Variants in C3orf70 observed in about 807,000 individuals in gnomAD.
The protein encoded by C3orf70 is chromosome 3 open reading frame 70.
C3orf70 carries 15 observed loss-of-function variants against 20.7 expected under a neutral mutation model. That is an observed-to-expected ratio of 0.72 (90% CI 0.48 to 1.11). C3orf70 has a LOEUF of 1.11. C3orf70 is among the 50% of genes most tolerant of loss of function. The pLI is 0.00. For synonymous variants in C3orf70, 161 were observed against 125.7 expected (o/e 1.28, Z -1.88); for missense variants, 332 against 317.6 (o/e 1.05, Z -0.34).
At chr3:185,146,390 C>T (rs573330404) in intron 1 of C3orf70, among the ~76,000 whole-genome samples, 1 of 143,362 alleles carries the variant, frequency 7.0e-6, no homozygotes, top group African/African-American at 2.6e-5. Flanking sequence ...CGAGTTCAAG[C>T]GATTCTCCTG....
rs374779504 is a variant in C3orf70 at position 185,097,611 on chromosome 3, A to G, written c.197-14048T>C. Among the ~76,000 whole-genome samples, 12 of 152,356 alleles carry G rather than the reference A, an allele frequency of 7.9e-5. No homozygotes were observed. The East Asian group carries it at 1.9e-3, about 24-fold the overall frequency. Reference sequence around the variant, plus strand: ...ACTTTAGCAGCTAGGTGACAGTAACATTCAGTAGCCTTATGAATGAGAGCA... The same window carrying G: ...ACTTTAGCAGCTAGGTGACAGTAACGTTCAGTAGCCTTATGAATGAGAGCA... On this transcript the variant is annotated intron_variant, in intron 1 of 1. Transcript: ENST00000335012.
rs1715217877 is a variant in C3orf70, at chr3:185,077,395, G to C, written c.*5612C>G. 1.3e-5 allele frequency among the ~76,000 whole-genome samples: 2 copies of C among 152,162 alleles called. No individual in the cohort carries two copies. The highest frequency in any genetic ancestry group is 4.8e-5 in the African/African-American group (2 of 41,426). ...CTGGGTAAAGATGTGGACTTCTTGAGCTCTTTTCCTGATCTGTGAAATGGG... is the reference window on the plus strand; with the variant it reads ...CTGGGTAAAGATGTGGACTTCTTGACCTCTTTTCCTGATCTGTGAAATGGG... On this transcript the variant is annotated 3_prime_UTR_variant, in exon 2 of 2. Coordinates refer to ENST00000335012, the MANE Select transcript of C3orf70 (RefSeq NM_001025266.3).
rs1183580586 is a variant in C3orf70, at chr3:185,152,984, G to A, written c.-161C>T. 2 of 476,298 alleles carry A rather than the reference G, an allele frequency of 4.2e-6. No homozygotes were observed. The highest frequency in any genetic ancestry group is 4.4e-5 in the East Asian group (1 of 22,564). 29.5% of individuals were successfully genotyped at this position (476,298 alleles called of 1,614,324 possible). On this transcript the variant is annotated 5_prime_UTR_variant, in exon 1 of 2. Transcript: ENST00000335012. Reference sequence around the variant, plus strand: ...GGAGCGCGGCGGTCCCAGGCTCGAGGAGGAGCCGCCCCGGGCGCTGCGACC... The same window carrying A: ...GGAGCGCGGCGGTCCCAGGCTCGAGAAGGAGCCGCCCCGGGCGCTGCGACC...
intron 1 of C3orf70, among the ~76,000 whole-genome samples, chr3:185,125,789 T>C (rs905827092): frequency 1.3e-5 from 2 of 152,158 alleles, no homozygotes; most frequent in African/African-American, 2.4e-5. Context: ...ATAAAAAGTA[T>C]AATAAAAAGG....
chr3:185,109,891 T>C (rs1300400667), intron 1 of C3orf70, among the ~76,000 whole-genome samples: 1 of 152,188 alleles, frequency 6.6e-6, no homozygotes, highest in Non-Finnish European at 1.5e-5. Context: ...TTTAGGAAGA[T>C]TGCACTGCAG....
At chr3:185,147,847 A>G (rs1195231721) in intron 1 of C3orf70, among the ~76,000 whole-genome samples, 1 of 152,204 alleles carries the variant, frequency 6.6e-6, no homozygotes. Flanking sequence ...TTGCAAGACT[A>G]AACCTTTCAC....
intron 1 of C3orf70, among the ~76,000 whole-genome samples, chr3:185,106,677 G>A (rs1184190645): frequency 6.6e-6 from 1 of 152,212 alleles, no homozygotes; most frequent in Non-Finnish European, 1.5e-5. Context: ...CCTGTACAAT[G>A]TCTGTCCCCC....
intron 1 of C3orf70, among the ~76,000 whole-genome samples, chr3:185,124,985 CT>C (rs1303611185): frequency 7.2e-5 from 11 of 151,942 alleles, no homozygotes; most frequent in Non-Finnish European, 1.5e-5. Context: ...TAAATTGATA[CT>C]TTTTTTTAAG....
chr3:185,110,365 T>A (rs1716045674), intron 1 of C3orf70, among the ~76,000 whole-genome samples: 1 of 152,378 alleles, frequency 6.6e-6, no homozygotes, highest in African/African-American at 2.4e-5. Flanking sequence ...CCTGTTAAAA[T>A]GGATAAAAAC....
rs1350570246 is a variant in C3orf70, at chr3:185,141,241, G to C, written c.196+11387C>G. On this transcript the variant is annotated intron_variant, in intron 1 of 1. Transcript: ENST00000335012. ...AAGCTATCAGAATGCCTAAAATAAA[G>C]ACAGTGACAACACCAAATGCTGGTG... Among the ~76,000 whole-genome samples, 4 of 152,086 alleles carry C rather than the reference G, an allele frequency of 2.6e-5. No homozygotes were observed. The South Asian group carries it at 8.3e-4, about 32-fold the overall frequency.
chr3:185,123,203 C>G (rs9842954), intron 1 of C3orf70, among the ~76,000 whole-genome samples: 17,266 of 135,174 alleles, frequency 0.13, 1,522 homozygotes, highest in African/African-American at 0.24. Flanking sequence ...AAAAAAAATT[C>G]ACTCTGTGAA....
intron 1 of C3orf70, among the ~76,000 whole-genome samples, chr3:185,149,394 CAA>C (rs34153305): frequency 6.7e-5 from 7 of 104,372 alleles, no homozygotes; most frequent in Admixed American, 2.2e-4. Context: ...CTCTGTCTCC[CAA>C]AAAAAAAAAA....
At chr3:185,127,500 C>T (rs752964322) in intron 1 of C3orf70, among the ~76,000 whole-genome samples, 39 of 152,138 alleles carry the variant, frequency 2.6e-4, no homozygotes, top group Non-Finnish European at 5.0e-4. Flanking sequence ...AGTGCAGTGG[C>T]GCGATCTCGG....
Position 185,080,389 on chromosome 3 carries a change from A to G in C3orf70, c.*2618T>C, listed in dbSNP as rs1197776489. ...CTTAGATGGTACTGAGAGACGGCCC[A>G]AGCCTGCCACTGAGCCAGCTGCAGA... is the stretch of plus-strand genomic sequence containing the variant. On this transcript the variant is annotated 3_prime_UTR_variant, in exon 2 of 2. Coordinates refer to ENST00000335012, the MANE Select transcript of C3orf70 (RefSeq NM_001025266.3). 6.5e-6 allele frequency: 1 copy of G among 152,684 alleles called. No homozygotes were observed. The highest frequency in any genetic ancestry group is 2.4e-5 in the African/African-American group (1 of 41,480). The allele number at this position is 152,684 out of a possible 1,614,324, so 9.5% of individuals were successfully genotyped here.
intron 1 of C3orf70, among the ~76,000 whole-genome samples, chr3:185,133,971 C>T (rs1015641064): frequency 6.6e-6 from 1 of 152,002 alleles, no homozygotes; most frequent in African/African-American, 2.4e-5. Context: ...TGCCTATAGT[C>T]CCAGCTACTC....
chr3:185,084,362 G>T (rs34961229), intron 1 of C3orf70, among the ~76,000 whole-genome samples: 105,572 of 151,652 alleles, frequency 0.7, 37,015 homozygotes, highest in East Asian at 0.88. Context: ...CTAATTATAA[G>T]ATACATACAC....
At chr3:185,144,206 T>C (rs1014148163) in intron 1 of C3orf70, among the ~76,000 whole-genome samples, 2 of 152,170 alleles carry the variant, frequency 1.3e-5, no homozygotes, top group Admixed American at 1.3e-4. Context: ...ATTGCCGACT[T>C]TGACAATCAC....
chr3:185,137,352 C>T (rs1047894832), intron 1 of C3orf70, among the ~76,000 whole-genome samples: 4 of 152,136 alleles, frequency 2.6e-5, no homozygotes, highest in Admixed American at 1.3e-4. Flanking sequence ...TGCGTGAAAA[C>T]GAACTAATAC....
At chr3:185,136,461 C>A (rs540651981) in intron 1 of C3orf70, among the ~76,000 whole-genome samples, 2 of 152,130 alleles carry the variant, frequency 1.3e-5, no homozygotes, top group East Asian at 3.9e-4. Flanking sequence ...CGGTGGCTCA[C>A]GCCTCAATCC....
Sources: gnomAD v4.1 joint callset for allele counts (sites outside exome capture counted in the v4.1 genomes callset) on GRCh38, gnomAD v4.1.1 for gene constraint, MANE v1.5 for transcripts, NCBI Gene and HGNC (gene_info 2026-07-23, HGNC 2026-07-21) for gene names.